KCNH8: variants seen among roughly 807,000 people sequenced by gnomAD.
KCNH8 encodes the protein voltage-gated delayed rectifier potassium channel KCNH8.
A neutral mutation model predicts 103.6 loss-of-function variants in KCNH8; 70 were observed. The observed-to-expected ratio is 0.68, with a 90% CI of 0.56 to 0.82. KCNH8 has a LOEUF of 0.82. Ranked by LOEUF, KCNH8 falls within the 40% of genes least tolerant of loss-of-function variation. The probability of loss-of-function intolerance (pLI) is 0.00; values close to 1 mark genes in which losing one functional copy is unlikely to be tolerated. For missense variants in KCNH8, 1,217 were observed against 1,329.9 expected, an observed-to-expected ratio of 0.92 and a Z score of 1.32; for synonymous variants, 498 against 489.4, an observed-to-expected ratio of 1.02 and a Z score of -0.23.
chr3:19,397,876 T>C (rs958105304), intron 7 of KCNH8, among the ~76,000 whole-genome samples: 4 of 151,848 alleles, frequency 2.6e-5, no homozygotes, highest in Non-Finnish European at 4.4e-5. Context: ...CAGCTGAGAT[T>C]TGAACACAGA....
intron 13 of KCNH8, among the ~76,000 whole-genome samples, chr3:19,513,813 A>G (rs570672054): frequency 6.6e-6 from 1 of 152,256 alleles, no homozygotes; most frequent in East Asian, 1.9e-4. Context: ...GGTCTCTTCA[A>G]TAAGTAACAC....
chr3:19,387,578 G>A (rs2066374503), intron 5 of KCNH8, among the ~76,000 whole-genome samples: 1 of 152,180 alleles, frequency 6.6e-6, no homozygotes, highest in South Asian at 2.1e-4. Context: ...TTTGAAATCA[G>A]TTACTGAATA....
intron 4 of KCNH8, among the ~76,000 whole-genome samples, chr3:19,345,829 A>AT (rs1285551413): frequency 1.3e-5 from 2 of 152,074 alleles, no homozygotes; most frequent in Non-Finnish European, 2.9e-5. Context: ...TTTTTAAAAT[A>AT]TTTTTAAAAT....
At chr3:19,159,687 A>G (rs2063215524) in intron 1 of KCNH8, among the ~76,000 whole-genome samples, 1 of 152,116 alleles carries the variant, frequency 6.6e-6, no homozygotes, top group South Asian at 2.1e-4. Flanking sequence ...GATGCCCAGA[A>G]ATATCACATA....
At chr3:19,235,901 CT>C (rs1209429403) in intron 1 of KCNH8, among the ~76,000 whole-genome samples, 2 of 152,176 alleles carry the variant, frequency 1.3e-5, no homozygotes, top group African/African-American at 2.4e-5. Flanking sequence ...ATTATCCTTA[CT>C]TGGAAAACAG....
chr3:19,291,846 C>T (rs1298007786), intron 3 of KCNH8, among the ~76,000 whole-genome samples: 2 of 152,144 alleles, frequency 1.3e-5, no homozygotes, highest in Non-Finnish European at 2.9e-5. Flanking sequence ...ATTCCCAAGT[C>T]ATTATGGGCC....
At chr3:19,272,114 T>G (rs1231687380) in intron 2 of KCNH8, among the ~76,000 whole-genome samples, 2 of 152,076 alleles carry the variant, frequency 1.3e-5, no homozygotes, top group African/African-American at 4.8e-5. Context: ...TCCTTTGTTT[T>G]TGACCTTGGA....
intron 1 of KCNH8, among the ~76,000 whole-genome samples, chr3:19,216,355 A>C (rs75472810): frequency 0.014 from 2,126 of 152,348 alleles, 54 homozygotes; most frequent in African/African-American, 0.049. Flanking sequence ...GATGAAATTC[A>C]TGTGTATTTT....
chr3:19,203,894 T>G (rs1208536015), intron 1 of KCNH8, among the ~76,000 whole-genome samples: 1 of 152,074 alleles, frequency 6.6e-6, no homozygotes, highest in African/African-American at 2.4e-5. Context: ...TATGCTATGT[T>G]TATTGTTCAG....
chr3:19,266,030 C>T (rs1429019152), intron 2 of KCNH8, among the ~76,000 whole-genome samples: 1 of 152,022 alleles, frequency 6.6e-6, no homozygotes, highest in African/African-American at 2.4e-5. Context: ...GTCTTTTCTC[C>T]TCACTGTCTC....
intron 1 of KCNH8, among the ~76,000 whole-genome samples, chr3:19,233,768 T>A (rs955187998): frequency 1.3e-5 from 2 of 152,068 alleles, no homozygotes; most frequent in Non-Finnish European, 2.9e-5. Context: ...CTCACTGACT[T>A]CAAGAATGAA....
intron 1 of KCNH8, among the ~76,000 whole-genome samples, chr3:19,202,367 A>G (rs564238584): frequency 6.6e-6 from 1 of 152,256 alleles, no homozygotes; most frequent in South Asian, 2.1e-4. Flanking sequence ...TGTGATTCCC[A>G]TGTGCAATGA....
At chr3:19,171,738 TA>T (rs146712302) in intron 1 of KCNH8, among the ~76,000 whole-genome samples, 14,594 of 152,182 alleles carry the variant, frequency 0.096, 959 homozygotes, top group East Asian at 0.18. Context: ...AGTTTATAGG[TA>T]AAATGAAAAC....
chr3:19,395,439 TC>T, intron 7 of KCNH8, 128 bp downstream of exon 7: 2 of 609,038 alleles, frequency 3.3e-6, no homozygotes, highest in Non-Finnish European at 5.5e-6. Context: ...CTAATTAATT[TC>T]TATTTTTGAA....
chr3:19,250,478 T>C (rs2064262800), intron 1 of KCNH8, among the ~76,000 whole-genome samples: 1 of 152,176 alleles, frequency 6.6e-6, no homozygotes, highest in Admixed American at 6.5e-5. Flanking sequence ...TGGGAAAATA[T>C]ATGCTAGACA....
chr3:19,430,627 T>C (rs1221627581), intron 7 of KCNH8, among the ~76,000 whole-genome samples: 1 of 152,160 alleles, frequency 6.6e-6, no homozygotes, highest in Non-Finnish European at 1.5e-5. Flanking sequence ...CATAGAATGT[T>C]TTCCATTTGT....
At chr3:19,499,084 G>C (rs1264583650) in intron 11 of KCNH8, among the ~76,000 whole-genome samples, 1 of 152,186 alleles carries the variant, frequency 6.6e-6, no homozygotes, top group Non-Finnish European at 1.5e-5. Flanking sequence ...CCAATACAGA[G>C]AAGTGCTTAA....
rs1174108873 is a variant in KCNH8, at chr3:19,518,085, C to G, written c.2619+11C>G. 3.1e-6 allele frequency: 5 copies of G among 1,605,046 alleles called. No homozygotes were observed. Among genetic ancestry groups the G allele is most frequent in the South Asian group, 1.1e-5 (1 of 90,816 alleles). On this transcript the variant is annotated intron_variant, in intron 15 of 15. Transcript: ENST00000328405. ...AAACTCAACAGTGAGGTATGGAGCT[C>G]TTTCTTTGGTCATGCCTAAATGGTA...
At chr3:19,434,958 T>G (rs1418640633) in intron 7 of KCNH8, among the ~76,000 whole-genome samples, 1 of 152,114 alleles carries the variant, frequency 6.6e-6, no homozygotes, top group African/African-American at 2.4e-5. Context: ...CATCACGAGA[T>G]AACTATACAA....
Sources: allele counts gnomAD v4.1 joint callset (sites outside exome capture counted in the v4.1 genomes callset), GRCh38; gene constraint gnomAD v4.1.1; transcripts MANE v1.5; gene names NCBI Gene and HGNC (gene_info 2026-07-23, HGNC 2026-07-21).